Variants in MARK4 observed in about 807,000 individuals in gnomAD.
MARK4 encodes the protein MAP/microtubule affinity-regulating kinase 4.
MARK4 carries 19 observed loss-of-function variants against 81.5 expected under a neutral mutation model. The ratio of observed to expected loss-of-function variants is 0.23; its 90% CI spans 0.16 to 0.34. MARK4 has a LOEUF of 0.34. Ranked by LOEUF, MARK4 falls within the 10% of genes least tolerant of loss-of-function variation. The pLI is 1.00. For synonymous variants in MARK4, 436 were observed against 439.0 expected (o/e 0.99, Z 0.08); for missense variants, 772 against 1,058.8 (o/e 0.73, Z 3.76).
In MARK4 at chr19:45,302,305, T is replaced by G. The variant is rs554927478; in HGVS notation, c.1923-69T>G. The G allele has an allele frequency of 1.9e-6, 3 of 1,605,652 alleles. No individual in the cohort carries two copies. In the South Asian group the frequency reaches 3.3e-5, roughly 18 times the overall value. On this transcript the variant is annotated intron_variant, in intron 16 of 16. Transcript: ENST00000262891. The surrounding 1 kb of genome is among the most constrained non-coding windows in gnomAD (Gnocchi z 4.9). ...GAATGTGTCCCGAATTGGGAAGAGT[T>G]GTCCCTTCAGCCCTCCACCACATTC...
chr19:45,263,510 G>C, intron 4 of MARK4, 143 bp downstream of exon 4: 1 of 966,428 alleles, frequency 1.0e-6, no homozygotes, highest in Non-Finnish European at 1.6e-6. Flanking sequence ...GGGAGGCCGA[G>C]GCGGGTGGAT....
chr19:45,295,330 G>T (rs1046017678), intron 14 of MARK4, among the ~76,000 whole-genome samples: 1 of 151,992 alleles, frequency 6.6e-6, no homozygotes, highest in Admixed American at 6.6e-5. Flanking sequence ...CTGCACTCCA[G>T]CCTGGGCAAC....
intron 10 of MARK4, among the ~76,000 whole-genome samples, chr19:45,279,217 C>G (rs1299084302): frequency 6.6e-6 from 1 of 151,466 alleles, no homozygotes; most frequent in Non-Finnish European, 1.5e-5. Flanking sequence ...GAGACCGTGT[C>G]TCAAAAAAAG....
At chr19:45,257,539 A>G (rs542237192) in intron 1 of MARK4, among the ~76,000 whole-genome samples, 1 of 151,230 alleles carries the variant, frequency 6.6e-6, no homozygotes, top group East Asian at 1.9e-4. Flanking sequence ...GCGCGTCACC[A>G]TGTCCGGCTA....
intron 4 of MARK4, 55 bp from the exon 5 acceptor site, chr19:45,264,629 A>T (rs766193296): frequency 6.5e-7 from 1 of 1,538,866 alleles, no homozygotes. Flanking sequence ...TACTGAGGAC[A>T]GGTTAGGAGG....
Position 45,297,950 on chromosome 19 carries a change from C to T in MARK4, c.1873C>T (p.Arg625Ter), listed in dbSNP as rs770715812. 3 of 1,550,880 alleles carry T rather than the reference C, an allele frequency of 1.9e-6. No homozygotes were observed. The highest frequency in any genetic ancestry group is 1.7e-6 in the Non-Finnish European group (2 of 1,146,830). Residue 625 changes from arginine to a stop codon, truncating the protein, a stop_gained, in exon 15 of 17, where the codon CGA (arginine) becomes TGA (stop). Coordinates refer to ENST00000262891, the MANE Select transcript of MARK4 (RefSeq NM_001199867.2). LOFTEE classifies it high-confidence loss of function. ...LFTKLTSKLT[R>*]RVADEPERIG... ...CACCAAGCTGACCTCCAAACTGACC[C>T]GAAGGTGAGCTCCGCGGGGATGGCA... is the stretch of plus-strand genomic sequence containing the variant.
chr19:45,302,707 C>T lies in MARK4; in HGVS notation c.2256C>T (p.Leu752=), dbSNP rs985924668. 6.5e-7 allele frequency: 1 copy of T among 1,536,258 alleles called. No individual in the cohort carries two copies. The highest frequency in any genetic ancestry group is 2.0e-5 in the Admixed American group (1 of 51,006). The change falls in exon 17 of 17, where the codon CTC becomes CTT. Residue 752 remains leucine, a synonymous_variant. Transcript: ENST00000262891. The surrounding 1 kb of genome is among the most constrained non-coding windows in gnomAD (Gnocchi z 4.9). ...LVTRISNDLE[L] Reference sequence around the variant, plus strand: ...CCCGCATCTCCAACGACCTCGAGCTCTGAGCCACCACGGTCCCAGGGCCCT... The same window carrying T: ...CCCGCATCTCCAACGACCTCGAGCTTTGAGCCACCACGGTCCCAGGGCCCT...
At chr19:45,284,364 C>T (rs954012938) in intron 12 of MARK4, among the ~76,000 whole-genome samples, 2 of 151,130 alleles carry the variant, frequency 1.3e-5, no homozygotes, top group African/African-American at 2.4e-5. Context: ...GCTCCGTTGC[C>T]CAAGCTGGAG....
intron 14 of MARK4, among the ~76,000 whole-genome samples, chr19:45,296,824 T>A (rs1381686321): frequency 6.6e-6 from 1 of 152,082 alleles, no homozygotes; most frequent in East Asian, 1.9e-4. Flanking sequence ...CCAAGGCCAG[T>A]GGATCACCTG....
chr19:45,295,960 A>G (rs1286698385), intron 14 of MARK4, among the ~76,000 whole-genome samples: 8 of 152,196 alleles, frequency 5.3e-5, no homozygotes, highest in Admixed American at 5.2e-4. Context: ...AGCAGCAGCT[A>G]CATGCCAGGC....
chr19:45,292,410 G>A (rs775189457), intron 13 of MARK4, among the ~76,000 whole-genome samples: 2 of 152,216 alleles, frequency 1.3e-5, no homozygotes, highest in Non-Finnish European at 2.9e-5. Context: ...ATCTCACTAT[G>A]TGAAATGGGC....
At chr19:45,284,241 G>T (rs1182490192) in intron 12 of MARK4, among the ~76,000 whole-genome samples, 1 of 151,886 alleles carries the variant, frequency 6.6e-6, no homozygotes, top group African/African-American at 2.4e-5. Context: ...TTCCTGACCT[G>T]AGGTGATCCA....
At chr19:45,266,868 G>A (rs992574548) in intron 7 of MARK4, among the ~76,000 whole-genome samples, 5 of 151,464 alleles carry the variant, frequency 3.3e-5, no homozygotes, top group Non-Finnish European at 5.9e-5. Context: ...AAGTAGCTGG[G>A]ACTACAGGCG....
chr19:45,256,490 A>G (rs1970309443), intron 1 of MARK4, among the ~76,000 whole-genome samples: 1 of 152,230 alleles, frequency 6.6e-6, no homozygotes, highest in African/African-American at 2.4e-5. Context: ...AATCTGGGGT[A>G]ACAGTGATTG....
chr19:45,278,136 CT>C, intron 9 of MARK4, 94 bp downstream of exon 9: 1 of 1,540,628 alleles, frequency 6.5e-7, no homozygotes, highest in East Asian at 2.3e-5. Context: ...TCTTGACACA[CT>C]TTTCCTCTCC....
Position 45,288,750 on chromosome 19 carries a change from T to A in MARK4, c.1494+1086T>A, listed in dbSNP as rs548505268. Among the ~76,000 whole-genome samples the A allele has an allele frequency of 2.0e-5, 3 of 148,168 alleles. No homozygotes were observed. In the South Asian group the frequency reaches 6.4e-4, roughly 31 times the overall value. On this transcript the variant is annotated intron_variant, in intron 13 of 16. Transcript: ENST00000262891. ...CTGTAGTCCCAGCTACTCTGGAGGG[T>A]GAGGCAGGAGAATCGCTTGAACCCG... is the stretch of plus-strand genomic sequence containing the variant.
In MARK4 at chr19:45,302,721, T is replaced by A. The variant is rs1279418779; in HGVS notation, c.*11T>A. 2.0e-6 allele frequency: 3 copies of A among 1,535,800 alleles called. No homozygotes were observed. In the East Asian group the frequency reaches 7.3e-5, roughly 38 times the overall value. On this transcript the variant is annotated 3_prime_UTR_variant, in exon 17 of 17. Coordinates refer to ENST00000262891, the MANE Select transcript of MARK4 (RefSeq NM_001199867.2). This position sits in a 1 kb window ranked among gnomAD's most constrained non-coding sequence, Gnocchi z 4.9. Reference sequence around the variant, plus strand: ...GACCTCGAGCTCTGAGCCACCACGGTCCCAGGGCCCTTACTCTTCCTCTCC... The same window carrying A: ...GACCTCGAGCTCTGAGCCACCACGGACCCAGGGCCCTTACTCTTCCTCTCC...
chr19:45,271,775 A>G lies in MARK4; in HGVS notation c.786+67A>G, dbSNP rs1182424751. 9 of 1,404,768 alleles carry G rather than the reference A, an allele frequency of 6.4e-6. No individual in the cohort carries two copies. Among genetic ancestry groups the G allele is most frequent in the African/African-American group, 1.4e-5 (1 of 69,678 alleles). 87.0% of individuals were successfully genotyped at this position (1,404,768 alleles called of 1,614,324 possible). ...ACAGTCAGGCCCCTATCCCCCCCACACCTCCCCTGCAGAGGGCCTCAGTGG... is the reference window on the plus strand; with the variant it reads ...ACAGTCAGGCCCCTATCCCCCCCACGCCTCCCCTGCAGAGGGCCTCAGTGG... On this transcript the variant is annotated intron_variant, in intron 8 of 16. Transcript: ENST00000262891. This position sits in a 1 kb window ranked among gnomAD's most constrained non-coding sequence, Gnocchi z 4.1.
chr19:45,289,116 G>A (rs768606307), intron 13 of MARK4, among the ~76,000 whole-genome samples: 5 of 151,960 alleles, frequency 3.3e-5, no homozygotes, highest in Non-Finnish European at 7.4e-5. Flanking sequence ...CCTGCCAGGC[G>A]CGGTGGCTCA....
Sources: allele counts gnomAD v4.1 joint callset (sites outside exome capture counted in the v4.1 genomes callset), GRCh38; gene constraint gnomAD v4.1.1; non-coding constraint Gnocchi (gnomAD v3.1); transcripts MANE v1.5; gene names NCBI Gene and HGNC (gene_info 2026-07-23, HGNC 2026-07-21).